The following MARCHF1 variants were observed in gnomAD, a reference collection of about 807,000 sequenced individuals.
MARCHF1 encodes membrane associated ring-CH-type finger 1, also known as E3 ubiquitin-protein ligase MARCHF1.
In MARCHF1, 40 loss-of-function variants were observed where a neutral mutation model predicts 54.2. The observed-to-expected ratio is 0.74, with a 90% confidence interval of 0.57 to 0.96. The LOEUF (loss-of-function observed/expected upper bound fraction) is 0.96, where lower values mean the gene tolerates loss of function less well. MARCHF1 is among the 40% of genes least tolerant of loss of function. The pLI is 0.00. For synonymous variants in MARCHF1, 236 were observed against 236.3 expected (o/e 1.00, Z 0.01); for missense variants, 586 against 656.5 (o/e 0.89, Z 1.17).
chr4:163,846,858 C>A (rs1749497690), intron 4 of MARCHF1, among the ~76,000 whole-genome samples: 1 of 152,018 alleles, frequency 6.6e-6, no homozygotes, highest in Admixed American at 6.6e-5. Flanking sequence ...TTGCTCTGCT[C>A]AAGGAATATA....
chr4:164,078,930 GA>G (rs1278935255), intron 2 of MARCHF1, among the ~76,000 whole-genome samples: 2 of 151,044 alleles, frequency 1.3e-5, no homozygotes, highest in Non-Finnish European at 3.0e-5. Context: ...AAAAAAAAAA[GA>G]AATCACAATT....
At chr4:163,781,477 T>C (rs1396770849) in intron 4 of MARCHF1, among the ~76,000 whole-genome samples, 1 of 152,208 alleles carries the variant, frequency 6.6e-6, no homozygotes, top group East Asian at 1.9e-4. Flanking sequence ...GGAATCACTC[T>C]TGATAAGTGA....
chr4:163,864,399 G>A (rs972983233), intron 3 of MARCHF1, among the ~76,000 whole-genome samples: 1 of 151,740 alleles, frequency 6.6e-6, no homozygotes, highest in African/African-American at 2.4e-5. Flanking sequence ...AAACTGTCAC[G>A]GACATGAAAA....
At chr4:164,308,181 A>G (rs1262776941) in intron 1 of MARCHF1, among the ~76,000 whole-genome samples, 1 of 152,132 alleles carries the variant, frequency 6.6e-6, no homozygotes, top group East Asian at 1.9e-4. Flanking sequence ...GTTTCATTCT[A>G]ATTAGGAAAA....
At chr4:164,034,068 C>CAGATAGAT (rs199977044) in intron 2 of MARCHF1, among the ~76,000 whole-genome samples, 213 of 110,154 alleles carry the variant, frequency 1.9e-3, no homozygotes, top group East Asian at 6.6e-3. Context: ...ATGTGATAGA[C>CAGATAGAT]AGATAGATAG....
intron 3 of MARCHF1, among the ~76,000 whole-genome samples, chr4:163,952,671 G>A: frequency 6.6e-6 from 1 of 152,134 alleles, no homozygotes; most frequent in South Asian, 2.1e-4. Flanking sequence ...TAGCTATGTG[G>A]CTGTAATCTG....
chr4:163,992,921 C>G (rs1404578803), intron 2 of MARCHF1, among the ~76,000 whole-genome samples: 1 of 151,790 alleles, frequency 6.6e-6, no homozygotes, highest in Non-Finnish European at 1.5e-5. Flanking sequence ...CACTACAAAT[C>G]CCTGGTGAAA....
intron 1 of MARCHF1, among the ~76,000 whole-genome samples, chr4:164,344,571 G>A (rs988375846): frequency 2.0e-5 from 3 of 151,898 alleles, no homozygotes; most frequent in African/African-American, 7.3e-5. Context: ...TTAATTTTCT[G>A]TGTCAACACT....
At position 164,108,892 on chromosome 4, in the gene MARCHF1, A is replaced by AT. The variant is rs1442450942; in HGVS notation, c.-248+2695dup. Among the ~76,000 whole-genome samples, 4 of 152,230 alleles carry AT rather than the reference A, an allele frequency of 2.6e-5. No individual in the cohort carries two copies. In the East Asian group the frequency reaches 7.7e-4, roughly 29 times the overall value. On this transcript the variant is annotated intron_variant, in intron 2 of 9. Coordinates refer to ENST00000514618, the MANE Select transcript of MARCHF1 (RefSeq NM_001394959.1). ...TAGTGGGCAGCATAAGATAGCTGTG[A>AT]TTTTTAAAAGTGCTTATTAAAACAT...
At chr4:163,757,947 C>T (rs574240968) in intron 4 of MARCHF1, among the ~76,000 whole-genome samples, 5 of 152,006 alleles carry the variant, frequency 3.3e-5, no homozygotes, top group African/African-American at 9.6e-5. Flanking sequence ...TAATCATTTC[C>T]GTGTAAAAGT....
chr4:163,692,932 C>T lies in MARCHF1; in HGVS notation c.162+7881G>A, dbSNP rs114501547. Among the ~76,000 whole-genome samples, 1,015 of 151,390 alleles carry T rather than the reference C, an allele frequency of 6.7e-3. 32 individuals carry two copies. The highest frequency in any genetic ancestry group is 0.014 in the African/African-American group (590 of 41,180). On this transcript the variant is annotated intron_variant, in intron 5 of 9. Coordinates refer to ENST00000514618, the MANE Select transcript of MARCHF1 (RefSeq NM_001394959.1). ...CATGTGGTATGAGGCTATTAATCCA[C>T]GAATGTGTTCTTTTCAATATTTGTC...
At chr4:164,140,006 A>T (rs544127928) in intron 1 of MARCHF1, among the ~76,000 whole-genome samples, 58 of 152,100 alleles carry the variant, frequency 3.8e-4, no homozygotes, top group Non-Finnish European at 4.4e-5. Context: ...TTCAGGTATA[A>T]CCTATATCAT....
chr4:163,665,398 T>G (rs1352068722), intron 5 of MARCHF1, among the ~76,000 whole-genome samples: 2 of 152,124 alleles, frequency 1.3e-5, no homozygotes, highest in African/African-American at 4.8e-5. Context: ...CAGATGTTCT[T>G]ATGGCAGGAT....
At chr4:163,557,656 C>T (rs527248730) in intron 8 of MARCHF1, among the ~76,000 whole-genome samples, 3 of 152,240 alleles carry the variant, frequency 2.0e-5, no homozygotes, top group African/African-American at 4.8e-5. Flanking sequence ...AATAGCCTGT[C>T]GTTTTTCTTT....
intron 5 of MARCHF1, among the ~76,000 whole-genome samples, chr4:163,682,819 G>A (rs1744148583): frequency 6.6e-6 from 1 of 152,116 alleles, no homozygotes; most frequent in African/African-American, 2.4e-5. Context: ...ATAACCGTAA[G>A]TTTCCTGAGG....
At chr4:163,882,038 A>G (rs1275725619) in intron 3 of MARCHF1, among the ~76,000 whole-genome samples, 1 of 152,246 alleles carries the variant, frequency 6.6e-6, no homozygotes, top group Non-Finnish European at 1.5e-5. Context: ...TAGTGTTTGC[A>G]GCATCAGCTT....
intron 4 of MARCHF1, among the ~76,000 whole-genome samples, chr4:163,728,705 T>G (rs1271558448): frequency 4.6e-5 from 7 of 152,242 alleles, no homozygotes; most frequent in Non-Finnish European, 1.0e-4. Context: ...ATTTTGTTGA[T>G]CCTTTCAGAT....
intron 5 of MARCHF1, among the ~76,000 whole-genome samples, chr4:163,665,024 A>AG (rs1256305925): frequency 6.6e-6 from 1 of 151,978 alleles, no homozygotes; most frequent in Non-Finnish European, 1.5e-5. Flanking sequence ...TTTTTGGAGG[A>AG]GGGGTCTACC....
At chr4:164,168,918 T>G (rs111865204) in intron 1 of MARCHF1, among the ~76,000 whole-genome samples, 1,623 of 152,184 alleles carry the variant, frequency 0.011, 21 homozygotes, top group East Asian at 0.051. Flanking sequence ...AATTTAACAG[T>G]GGCTACCATT....
Sources: allele counts gnomAD v4.1 joint callset (sites outside exome capture counted in the v4.1 genomes callset), GRCh38; gene constraint gnomAD v4.1.1; transcripts MANE v1.5; gene names NCBI Gene and HGNC (gene_info 2026-07-23, HGNC 2026-07-21).